SNX30: variants seen among roughly 807,000 people sequenced by gnomAD.
The protein encoded by SNX30 is sorting nexin-30.
SNX30 carries 24 observed loss-of-function variants against 46.4 expected under a neutral mutation model. The ratio of observed to expected loss-of-function variants is 0.52; its 90% CI spans 0.37 to 0.73. The LOEUF (loss-of-function observed/expected upper bound fraction) is 0.73. Among genes scored for constraint, SNX30 ranks in the 30% least tolerant of loss-of-function variants. SNX30 has a pLI of 0.00. For missense variants in SNX30, 533 were observed against 555.7 expected, an observed-to-expected ratio of 0.96 and a Z score of 0.41; for synonymous variants, 189 against 211.5, an observed-to-expected ratio of 0.89 and a Z score of 0.92.
In SNX30 at chr9:112,864,313, A is replaced by T. The variant is rs780738218; in HGVS notation, c.1168A>T (p.Met390Leu). 5 of 1,614,206 alleles carry T rather than the reference A, an allele frequency of 3.1e-6. No homozygotes were observed. The highest frequency in any genetic ancestry group is 4.2e-6 in the Non-Finnish European group (5 of 1,180,036). ...TTTCAATGCTGACCTGAAAGCTGACATGGAGAGGTGGCAGAACAACAAGAG... is the reference window on the plus strand; with the variant it reads ...TTTCAATGCTGACCTGAAAGCTGACTTGGAGAGGTGGCAGAACAACAAGAG... ...ECFNADLKAD[M>L]ERWQNNKRQD... Residue 390 changes from methionine to leucine, a missense_variant, in exon 8 of 9, where the codon ATG (methionine) becomes TTG (leucine). Physicochemically the swap from Met to Leu is conservative, Grantham distance 15. Coordinates refer to ENST00000374232, the MANE Select transcript of SNX30 (RefSeq NM_001012994.2).
intron 7 of SNX30, 96 bp downstream of exon 7, chr9:112,851,041 C>T (rs1841016151): frequency 3.3e-6 from 3 of 897,288 alleles, no homozygotes; most frequent in Non-Finnish European, 5.3e-6. Context: ...TAAGAGTGGT[C>T]AGTGCCGGCT....
At chr9:112,790,786 A>G (rs902730781) in intron 1 of SNX30, among the ~76,000 whole-genome samples, 5 of 152,228 alleles carry the variant, frequency 3.3e-5, no homozygotes, top group African/African-American at 9.6e-5. Flanking sequence ...TACCATTTAA[A>G]AATGCTTTAA....
intron 1 of SNX30, among the ~76,000 whole-genome samples, chr9:112,772,244 A>G (rs1839664723): frequency 6.6e-6 from 1 of 152,192 alleles, no homozygotes; most frequent in South Asian, 2.1e-4. Context: ...CAACTTGTCA[A>G]CAAGTGGAAA....
intron 3 of SNX30, among the ~76,000 whole-genome samples, chr9:112,819,519 G>A (rs1032777577): frequency 4.6e-5 from 7 of 151,792 alleles, no homozygotes; most frequent in African/African-American, 1.5e-4. Context: ...CTCCCACCTC[G>A]GCCTCCCAAA....
chr9:112,757,700 TAAC>T (rs1193769861), intron 1 of SNX30, among the ~76,000 whole-genome samples: 1 of 152,194 alleles, frequency 6.6e-6, no homozygotes, highest in African/African-American at 2.4e-5. Flanking sequence ...TCTGAGTCAT[TAAC>T]AACTGACTAT....
chr9:112,845,309 C>T (rs1840922792), intron 6 of SNX30, among the ~76,000 whole-genome samples: 1 of 152,236 alleles, frequency 6.6e-6, no homozygotes, highest in African/African-American at 2.4e-5. Flanking sequence ...ATTTTGAAAC[C>T]GACTGTGGGG....
rs1839730226 is a variant in SNX30, at chr9:112,775,527, CT to C, written c.156+24375del. ...ATATTCTCCCATTCTGTGGCTTGTC[CT>C]TTTTATTTTAAATTTGTGTGTGTGT... On this transcript the variant is annotated intron_variant, in intron 1 of 8. Coordinates refer to ENST00000374232, the MANE Select transcript of SNX30 (RefSeq NM_001012994.2). Among the ~76,000 whole-genome samples the C allele has an allele frequency of 5.7e-5, 6 of 106,150 alleles. No homozygotes were observed. The South Asian group carries it at 2.0e-3, about 35-fold the overall frequency. The allele number at this position is 106,150 out of a possible 152,430, so 69.6% of individuals were successfully genotyped here. A position where few individuals can be genotyped will look rare whatever the true frequency, so the allele number is the denominator to read the frequency against.
intron 1 of SNX30, among the ~76,000 whole-genome samples, chr9:112,794,472 CT>C (rs1490932547): frequency 3.3e-5 from 5 of 152,224 alleles, no homozygotes; most frequent in African/African-American, 1.2e-4. Flanking sequence ...TAAGCATCTG[CT>C]GTGTACCTGG....
Position 112,830,898 on chromosome 9 carries a change from T to A in SNX30, c.618+15T>A. 1.3e-6 allele frequency: 2 copies of A among 1,597,156 alleles called. No homozygotes were observed. Among genetic ancestry groups the A allele is most frequent in the Non-Finnish European group, 1.7e-6 (2 of 1,173,878 alleles). On this transcript the variant is annotated intron_variant, in intron 4 of 8. Coordinates refer to ENST00000374232, the MANE Select transcript of SNX30 (RefSeq NM_001012994.2). ...TTACTGCTAAGGTAAGGGCAGAAAT[T>A]TACATCCTCTTCGTCCATATTACCA...
chr9:112,761,507 A>T (rs916127125), intron 1 of SNX30, among the ~76,000 whole-genome samples: 1 of 152,108 alleles, frequency 6.6e-6, no homozygotes, highest in African/African-American at 2.4e-5. Context: ...AGGGCTTGGG[A>T]TGGGGAAAGA....
At chr9:112,823,526 C>T (rs369002298) in intron 3 of SNX30, among the ~76,000 whole-genome samples, 3 of 152,134 alleles carry the variant, frequency 2.0e-5, no homozygotes, top group South Asian at 2.1e-4. Context: ...GATGGGTGCC[C>T]GTATTAGATT....
chr9:112,839,519 G>A (rs781224867), intron 6 of SNX30, among the ~76,000 whole-genome samples: 35 of 152,188 alleles, frequency 2.3e-4, no homozygotes, highest in Non-Finnish European at 4.7e-4. Flanking sequence ...ATGCAGAATC[G>A]GAGTAGAGTG....
At chr9:112,806,429 T>C (rs1396048248) in intron 2 of SNX30, among the ~76,000 whole-genome samples, 4 of 152,212 alleles carry the variant, frequency 2.6e-5, no homozygotes, top group South Asian at 2.1e-4. Context: ...ACAGATATTT[T>C]TGGAACCTTT....
Position 112,817,761 on chromosome 9 carries a change from T to C in SNX30, c.405T>C (p.Asp135=). The change falls in exon 3 of 9, where the codon GAT becomes GAC. Residue 135 remains aspartate (D), a synonymous_variant. Coordinates refer to ENST00000374232, the MANE Select transcript of SNX30 (RefSeq NM_001012994.2). ...ATTCTGTTCGTCGAAGATACCAGGA[T>C]TTTGACTGGTTGAGGAGCAAACTGG... is the stretch of plus-strand genomic sequence containing the variant. The part of the protein sequence containing the change: ...PEYSVRRRYQ[D]FDWLRSKLEE... 1 of 1,613,970 alleles carries C rather than the reference T, an allele frequency of 6.2e-7. No homozygotes were observed. Among genetic ancestry groups the C allele is most frequent in the South Asian group, 1.1e-5 (1 of 91,074 alleles).
chr9:112,856,059 T>C (rs1156296591), intron 7 of SNX30, among the ~76,000 whole-genome samples: 1 of 152,124 alleles, frequency 6.6e-6, no homozygotes, highest in Non-Finnish European at 1.5e-5. Flanking sequence ...TGGACTCTTT[T>C]CAGTGCTAAT....
At chr9:112,817,165 T>C (rs1188880481) in intron 2 of SNX30, among the ~76,000 whole-genome samples, 1 of 152,154 alleles carries the variant, frequency 6.6e-6, no homozygotes, top group East Asian at 1.9e-4. Context: ...CAGTGATCTA[T>C]TATCTTTACT....
intron 1 of SNX30, among the ~76,000 whole-genome samples, chr9:112,791,398 A>ATTTTTTT (rs1564270543): frequency 2.5e-5 from 1 of 39,886 alleles, no homozygotes; most frequent in Non-Finnish European, 5.4e-5. Flanking sequence ...ATATTTAGGA[A>ATTTTTTT]CTTTTTTTTT....
At chr9:112,815,281 G>C (rs1169547012) in intron 2 of SNX30, among the ~76,000 whole-genome samples, 1 of 151,650 alleles carries the variant, frequency 6.6e-6, no homozygotes, top group Non-Finnish European at 1.5e-5. Context: ...TTTCAAATTA[G>C]AGTAGAAATA....
At chr9:112,822,375 T>A (rs550230709) in intron 3 of SNX30, among the ~76,000 whole-genome samples, 1 of 152,280 alleles carries the variant, frequency 6.6e-6, no homozygotes, top group South Asian at 2.1e-4. Context: ...CTGTTTTTTT[T>A]AAAGCTTTTT....
Sources: allele counts gnomAD v4.1 joint callset (sites outside exome capture counted in the v4.1 genomes callset), GRCh38; gene constraint gnomAD v4.1.1; transcripts MANE v1.5; gene names NCBI Gene and HGNC (gene_info 2026-07-23, HGNC 2026-07-21).